ESR1: variants seen among roughly 807,000 people sequenced by gnomAD.
The protein encoded by ESR1 is estrogen receptor 1.
A neutral mutation model predicts 52.7 loss-of-function variants in ESR1; 12 were observed. The observed-to-expected ratio is 0.23, with a 90% confidence interval of 0.15 to 0.37. The LOEUF (loss-of-function observed/expected upper bound fraction) is 0.37. Ranked by LOEUF, ESR1 falls within the 10% of genes least tolerant of loss-of-function variation. The probability of loss-of-function intolerance (pLI) is 1.00; values close to 1 mark genes in which losing one functional copy is unlikely to be tolerated. For missense variants in ESR1, 584 were observed against 779.7 expected, an observed-to-expected ratio of 0.75 and a Z score of 2.99; for synonymous variants, 305 against 316.8, an observed-to-expected ratio of 0.96 and a Z score of 0.39.
chr6:152,105,105 A>C (rs528131302), downstream of ESR1, among the ~76,000 whole-genome samples: 7 of 152,282 alleles, frequency 4.6e-5, no homozygotes, highest in African/African-American at 1.4e-4. Context: ...GGCTCTCTCC[A>C]TCTCTTCATT....
intron 3 of ESR1, among the ~76,000 whole-genome samples, chr6:151,922,830 T>C (rs1215910031): frequency 6.6e-6 from 1 of 151,832 alleles, no homozygotes; most frequent in Non-Finnish European, 1.5e-5. Context: ...CCAACCTATA[T>C]ATCTACACAC....
chr6:152,074,726 G>A (rs961506608), intron 6 of ESR1, among the ~76,000 whole-genome samples: 8 of 152,184 alleles, frequency 5.3e-5, no homozygotes, highest in African/African-American at 1.9e-4. Flanking sequence ...GAGAGTTCCT[G>A]TTGCTCCACA....
intron 1 of ESR1, among the ~76,000 whole-genome samples, chr6:151,669,608 T>C (rs73619405): frequency 6.6e-6 from 1 of 152,112 alleles, no homozygotes; most frequent in South Asian, 2.1e-4. Context: ...CTGAGTTACC[T>C]TGGGCAAGTT....
chr6:152,115,770 A>G (rs887343748), intron 6 of ESR1, among the ~76,000 whole-genome samples: 7 of 152,240 alleles, frequency 4.6e-5, no homozygotes, highest in Non-Finnish European at 7.3e-5. Context: ...TGGAACAATT[A>G]TTATACAAAC....
At chr6:151,716,552 A>T (rs1359103808) in intron 2 of ESR1, among the ~76,000 whole-genome samples, 1 of 152,102 alleles carries the variant, frequency 6.6e-6, no homozygotes, top group African/African-American at 2.4e-5. Context: ...ATCTAGAGAG[A>T]CAGTCTGGCT....
intron 5 of ESR1, among the ~76,000 whole-genome samples, chr6:152,020,756 G>T (rs1411353053): frequency 6.6e-6 from 1 of 152,048 alleles, no homozygotes; most frequent in Non-Finnish European, 1.5e-5. Flanking sequence ...TGGCCCATCA[G>T]TTCTTAATTT....
intron 6 of ESR1, among the ~76,000 whole-genome samples, chr6:152,112,489 C>T (rs938511069): frequency 6.6e-6 from 1 of 152,076 alleles, no homozygotes; most frequent in Non-Finnish European, 1.5e-5. Context: ...CAAAGGCCAC[C>T]AAAGGAAGAA....
intron 5 of ESR1, among the ~76,000 whole-genome samples, chr6:152,048,482 T>C (rs77276563): frequency 0.018 from 2,686 of 152,234 alleles, 85 homozygotes; most frequent in African/African-American, 0.061. Flanking sequence ...CTTTTTCTTC[T>C]TGGCATTGAT....
intron 6 of ESR1, among the ~76,000 whole-genome samples, chr6:152,064,969 T>C (rs1422176765): frequency 1.3e-5 from 2 of 152,208 alleles, no homozygotes; most frequent in African/African-American, 2.4e-5. Context: ...GGGGAAATTG[T>C]GTAGGAAGTG....
intron 1 of ESR1, among the ~76,000 whole-genome samples, chr6:151,827,575 C>A (rs1262588057): frequency 6.6e-6 from 1 of 152,112 alleles, no homozygotes; most frequent in Non-Finnish European, 1.5e-5. Flanking sequence ...ACACATCGCC[C>A]AGCTTCAACT....
upstream of ESR1, among the ~76,000 whole-genome samples, chr6:151,804,112 A>G (rs1777540977): frequency 6.6e-6 from 1 of 152,118 alleles, no homozygotes; most frequent in Non-Finnish European, 1.5e-5. Flanking sequence ...AGTTTTTGCC[A>G]AAGGCAGAAG....
chr6:151,987,972 A>T (rs2040650919), intron 4 of ESR1, among the ~76,000 whole-genome samples: 1 of 152,082 alleles, frequency 6.6e-6, no homozygotes, highest in African/African-American at 2.4e-5. Flanking sequence ...TTCAGGAGTC[A>T]GTGGAATTAA....
chr6:151,777,101 GTCTTT>G (rs375369369), intron 2 of ESR1, among the ~76,000 whole-genome samples: 399 of 148,896 alleles, frequency 2.7e-3, no homozygotes, highest in African/African-American at 7.0e-3. Context: ...CAACTCTGAG[GTCTTT>G]TCTTTTCTTT....
At chr6:151,886,497 A>T (rs191129796) in intron 3 of ESR1, among the ~76,000 whole-genome samples, 2 of 152,362 alleles carry the variant, frequency 1.3e-5, no homozygotes, top group African/African-American at 4.8e-5. Context: ...TAACAAATAA[A>T]TCCAAAAATT....
At chr6:151,889,847 G>A (rs1794438543) in intron 3 of ESR1, among the ~76,000 whole-genome samples, 2 of 151,908 alleles carry the variant, frequency 1.3e-5, no homozygotes, top group African/African-American at 4.8e-5. Context: ...TATGTTGTGT[G>A]TCCATTTTCA....
At chr6:151,893,781 G>A (rs925852609) in intron 3 of ESR1, among the ~76,000 whole-genome samples, 5 of 152,140 alleles carry the variant, frequency 3.3e-5, no homozygotes, top group Non-Finnish European at 7.3e-5. Context: ...CTGGAGCTGA[G>A]GCTGGGCTGC....
intron 3 of ESR1, among the ~76,000 whole-genome samples, chr6:151,940,394 C>T (rs1217905236): frequency 6.6e-6 from 1 of 152,186 alleles, no homozygotes; most frequent in Admixed American, 6.5e-5. Flanking sequence ...AATCTACTTT[C>T]ACCTACTTGA....
intron 2 of ESR1, among the ~76,000 whole-genome samples, chr6:151,756,623 C>T (rs958597245): frequency 6.6e-6 from 1 of 152,228 alleles, no homozygotes; most frequent in African/African-American, 2.4e-5. Context: ...ATATTTATAA[C>T]CGTACTGGCC....
At chr6:152,040,491 T>G (rs1302408648) in intron 5 of ESR1, among the ~76,000 whole-genome samples, 1 of 152,202 alleles carries the variant, frequency 6.6e-6, no homozygotes, top group African/African-American at 2.4e-5. Flanking sequence ...CCAAATTTCA[T>G]TGTCATCAGT....
Sources: allele counts gnomAD v4.1 joint callset (sites outside exome capture counted in the v4.1 genomes callset), GRCh38; gene constraint gnomAD v4.1.1; transcripts MANE v1.5; gene names NCBI Gene and HGNC (gene_info 2026-07-23, HGNC 2026-07-21).